The following TEX15 variants were observed in gnomAD, a reference collection of about 807,000 sequenced individuals.
TEX15 encodes the protein testis expressed 15, meiosis and synapsis associated, also known as testis-expressed protein 15.
TEX15 carries 171 observed loss-of-function variants against 237.3 expected under a neutral mutation model. The observed-to-expected ratio is 0.72, with a 90% CI of 0.64 to 0.82. The LOEUF is 0.82. TEX15 is among the 40% of genes least tolerant of loss of function. The pLI, the probability that TEX15 is intolerant of heterozygous loss-of-function variation, is 0.00. For synonymous variants in TEX15, 1,338 were observed against 1,269.8 expected (o/e 1.05, Z -1.14); for missense variants, 3,750 against 3,646.5 (o/e 1.03, Z -0.73).
chr8:30,850,876 AG>A (rs1408321217), intron 7 of TEX15, among the ~76,000 whole-genome samples: 1 of 152,198 alleles, frequency 6.6e-6, no homozygotes, highest in Non-Finnish European at 1.5e-5. Context: ...GGAAAAAAAT[AG>A]GTAAAATTGT....
At chr8:30,858,987 C>T (rs1039459990) in intron 6 of TEX15, among the ~76,000 whole-genome samples, 157 bp from the exon 7 acceptor site, 2 of 152,084 alleles carry the variant, frequency 1.3e-5, no homozygotes, top group Non-Finnish European at 2.9e-5. Context: ...TGAAGATGTA[C>T]AGAATTCCTT....
chr8:30,855,815 A>G (rs987494825), intron 7 of TEX15, among the ~76,000 whole-genome samples: 2 of 152,202 alleles, frequency 1.3e-5, no homozygotes. Flanking sequence ...TGTTAAGTGA[A>G]AGAAATCAGG....
chr8:30,834,771 G>C (rs1239207479), intron 10 of TEX15, among the ~76,000 whole-genome samples: 2 of 152,132 alleles, frequency 1.3e-5, no homozygotes, highest in African/African-American at 2.4e-5. Flanking sequence ...TGCATTCCAG[G>C]CTAAAGTATT....
At chr8:30,890,795 A>G (rs915121117) in intron 2 of TEX15, among the ~76,000 whole-genome samples, 3 of 152,140 alleles carry the variant, frequency 2.0e-5, no homozygotes, top group Admixed American at 2.0e-4. Flanking sequence ...CTAACCTTTG[A>G]AAACTTGGTA....
At chr8:30,876,051 C>T (rs1246801338) in intron 3 of TEX15, among the ~76,000 whole-genome samples, 6 of 151,984 alleles carry the variant, frequency 3.9e-5, no homozygotes, top group East Asian at 3.9e-4. Flanking sequence ...TGGGCTCAAG[C>T]GATCCTCTCC....
At position 30,833,130 on chromosome 8, in the gene TEX15, GT is replaced by G; in HGVS notation, c.*155del. On this transcript the variant is annotated 3_prime_UTR_variant, in exon 11 of 11. Transcript: ENST00000643185. Reference sequence around the variant, plus strand: ...TAGAAATTGATGTCCTATATGATATGTGTTAGATTATTTGTATATTTTACAA... The same window carrying G: ...TAGAAATTGATGTCCTATATGATATGGTTAGATTATTTGTATATTTTACAA... 1 of 574,374 alleles carries G rather than the reference GT, an allele frequency of 1.7e-6. No individual in the cohort carries two copies. Among genetic ancestry groups the G allele is most frequent in the Admixed American group, 3.3e-5 (1 of 30,118 alleles). The allele number at this position is 574,374 out of a possible 1,614,324, so 35.6% of individuals were successfully genotyped here. A position where few individuals can be genotyped will look rare whatever the true frequency, so the allele number is the denominator to read the frequency against.
chr8:30,879,828 C>A (rs1585304861), intron 3 of TEX15, among the ~76,000 whole-genome samples: 1 of 152,118 alleles, frequency 6.6e-6, no homozygotes, highest in East Asian at 1.9e-4. Flanking sequence ...TTGATAGGAA[C>A]TGCAATAAAC....
intron 3 of TEX15, among the ~76,000 whole-genome samples, chr8:30,884,302 T>A (rs538308065): frequency 4.5e-4 from 68 of 152,366 alleles, no homozygotes; most frequent in African/African-American, 1.4e-3. Context: ...GTAGTTTTCT[T>A]CTAAGTTCTT....
chr8:30,897,996 A>C (rs1808937376), intron 2 of TEX15, among the ~76,000 whole-genome samples: 1 of 152,158 alleles, frequency 6.6e-6, no homozygotes, highest in Non-Finnish European at 1.5e-5. Flanking sequence ...ATTGGTTCAA[A>C]CAGTAATTCC....
Position 30,848,549 on chromosome 8 carries a change from A to G in TEX15, c.1618T>C (p.Phe540Leu). The G allele has an allele frequency of 6.2e-7, 1 of 1,614,126 alleles. No individual in the cohort carries two copies. The highest frequency in any genetic ancestry group is 8.5e-7 in the Non-Finnish European group (1 of 1,180,000). ...ACTACATTTGACACAGAAATTGGGA[A>G]GGAAAAATTACCTTGGTCCTTACAT... ...GQCKDQGNFS[F>L]PISVSNVVSE... The change falls in exon 8 of 11, where the codon TTC becomes CTC. Residue 540 changes from phenylalanine (F) to leucine (L), a missense_variant. Coordinates refer to ENST00000643185, the MANE Select transcript of TEX15 (RefSeq NM_001350162.2).
Position 30,843,115 on chromosome 8 carries a change from G to A in TEX15, c.7052C>T (p.Thr2351Ile). 1.2e-6 allele frequency: 2 copies of A among 1,613,118 alleles called. No individual in the cohort carries two copies. Among genetic ancestry groups the A allele is most frequent in the Non-Finnish European group, 1.7e-6 (2 of 1,179,526 alleles). ...AAATTTAGAATTTTCTATGCTAATTGTTGCTTCGTTTATTGGATGATCTGA... is the reference window on the plus strand; with the variant it reads ...AAATTTAGAATTTTCTATGCTAATTATTGCTTCGTTTATTGGATGATCTGA... ...RKSDHPINEATISIENSKFNS... is the reference protein window; with the variant it reads ...RKSDHPINEAIISIENSKFNS... Residue 2351 changes from threonine (T) to isoleucine (I), a missense_variant, in exon 8 of 11, where the codon ACA (threonine) becomes ATA (isoleucine). Thr to Ile is a moderately conservative substitution (Grantham distance 89, BLOSUM62 -1). Coordinates refer to ENST00000643185, the MANE Select transcript of TEX15 (RefSeq NM_001350162.2).
rs981465335 is a variant in TEX15 at position 30,842,306 on chromosome 8, G to A, written c.7861C>T (p.His2621Tyr). ...HIRKVMKTIE[H>Y]MKMICTKNAE... ...TTTTTAGTACATATCATCTTCATAT[G>A]TTCAATCGTTTTCATGACTTTCCTA... Residue 2621 changes from histidine to tyrosine, a missense_variant, in exon 8 of 11, where the codon CAT (histidine) becomes TAT (tyrosine). Transcript: ENST00000643185. 1.9e-6 allele frequency: 3 copies of A among 1,613,592 alleles called. No homozygotes were observed. The highest frequency in any genetic ancestry group is 2.5e-6 in the Non-Finnish European group (3 of 1,179,854).
In TEX15 at chr8:30,845,121, T is replaced by C. The variant is rs1335144580; in HGVS notation, c.5046A>G (p.Val1682=). Residue 1682 remains valine, a synonymous_variant, in exon 8 of 11, where the codon GTA becomes GTG. Transcript: ENST00000643185. ...GTCTCTCAATAGGATCTGTCCACTT[T>C]ACTTCCAGGTTTCTTTTACAATCAG... ...ILSDCKRNLE[V]KWTDPIERPK... is the part of the protein sequence containing the mutation. 3 of 1,613,384 alleles carry C rather than the reference T, an allele frequency of 1.9e-6. No homozygotes were observed. The highest frequency in any genetic ancestry group is 2.5e-6 in the Non-Finnish European group (3 of 1,179,504).
At chr8:30,888,076 A>AC (rs1808701432) in intron 2 of TEX15, among the ~76,000 whole-genome samples, 1 of 148,350 alleles carries the variant, frequency 6.7e-6, no homozygotes, top group Non-Finnish European at 1.5e-5. Context: ...CAAATACTCC[A>AC]TTTTTTTTTC....
chr8:30,879,788 T>C (rs1808478779), intron 3 of TEX15, among the ~76,000 whole-genome samples: 1 of 152,210 alleles, frequency 6.6e-6, no homozygotes, highest in African/African-American at 2.4e-5. Flanking sequence ...CAGAATAAGC[T>C]TGCCTACCTA....
chr8:30,895,284 C>T (rs923763132), intron 2 of TEX15, among the ~76,000 whole-genome samples: 25 of 116,500 alleles, frequency 2.1e-4, no homozygotes, highest in African/African-American at 8.6e-4. Context: ...GGCGACAAAG[C>T]GAGACTCCAT....
At chr8:30,894,604 T>C (rs1808857407) in intron 2 of TEX15, among the ~76,000 whole-genome samples, 2 of 152,218 alleles carry the variant, frequency 1.3e-5, no homozygotes, top group African/African-American at 2.4e-5. Flanking sequence ...GACCATTCAG[T>C]GGGAGAAAGC....
chr8:30,875,829 A>C lies in TEX15; in HGVS notation c.137-727T>G, dbSNP rs543698009. ...GGTCAATTTTTTTTTTTTTTTCCTTAGAGACAGGCTCTCACTCAGTAGCCC... is the reference window on the plus strand; with the variant it reads ...GGTCAATTTTTTTTTTTTTTTCCTTCGAGACAGGCTCTCACTCAGTAGCCC... On this transcript the variant is annotated intron_variant, in intron 3 of 10. Transcript: ENST00000643185. Among the ~76,000 whole-genome samples the C allele has an allele frequency of 4.0e-5, 6 of 148,870 alleles. No individual in the cohort carries two copies. In the South Asian group the frequency reaches 1.3e-3, roughly 32 times the overall value.
chr8:30,881,875 G>A (rs768015491), intron 3 of TEX15, among the ~76,000 whole-genome samples: 4 of 151,784 alleles, frequency 2.6e-5, no homozygotes, highest in Non-Finnish European at 5.9e-5. Flanking sequence ...CACCTGCCTC[G>A]GCCTCCCAAA....
Sources: allele counts gnomAD v4.1 joint callset (sites outside exome capture counted in the v4.1 genomes callset), GRCh38; gene constraint gnomAD v4.1.1; transcripts MANE v1.5; gene names NCBI Gene and HGNC (gene_info 2026-07-23, HGNC 2026-07-21).